The following FLT3 variants were observed in gnomAD, a reference collection of about 807,000 sequenced individuals.
The protein encoded by FLT3 is receptor-type tyrosine-protein kinase FLT3.
FLT3 carries 46 observed loss-of-function variants against 126.6 expected under a neutral mutation model. That is an observed-to-expected ratio of 0.36 (90% CI 0.29 to 0.46). The LOEUF (loss-of-function observed/expected upper bound fraction) is 0.46. Among genes scored for constraint, FLT3 ranks in the 20% least tolerant of loss-of-function variants. The pLI is 1.00. For missense variants in FLT3, 1,069 were observed against 1,190.3 expected, an observed-to-expected ratio of 0.90 and a Z score of 1.50; for synonymous variants, 404 against 434.4, an observed-to-expected ratio of 0.93 and a Z score of 0.87.
chr13:28,006,983 C>G (rs924423572), intron 23 of FLT3, among the ~76,000 whole-genome samples: 6 of 152,072 alleles, frequency 3.9e-5, no homozygotes, highest in Admixed American at 2.0e-4. Flanking sequence ...TCAAGTGATC[C>G]ACCCACCTAG....
chr13:28,023,024 C>T (rs1006096025), intron 19 of FLT3, among the ~76,000 whole-genome samples: 6 of 152,224 alleles, frequency 3.9e-5, no homozygotes, highest in Admixed American at 6.5e-5. Flanking sequence ...CCTGAACAGC[C>T]GTTCTGAAAG....
At chr13:28,025,792 C>T (rs772218182) in intron 17 of FLT3, among the ~76,000 whole-genome samples, 6 of 152,006 alleles carry the variant, frequency 3.9e-5, no homozygotes, top group African/African-American at 1.2e-4. Flanking sequence ...AAGGAGAGGA[C>T]GGTGTGACGG....
At chr13:28,053,881 C>A (rs1875771971) in intron 4 of FLT3, among the ~76,000 whole-genome samples, 2 of 151,750 alleles carry the variant, frequency 1.3e-5, no homozygotes, top group Admixed American at 6.6e-5. Flanking sequence ...GAGACAGGGT[C>A]TCTGTCACCC....
intron 15 of FLT3, among the ~76,000 whole-genome samples, chr13:28,029,483 A>G (rs1873121566): frequency 6.6e-6 from 1 of 152,212 alleles, no homozygotes; most frequent in Non-Finnish European, 1.5e-5. Context: ...TCCTCTACCT[A>G]CCAAAATAAA....
At chr13:28,095,265 G>A (rs1879380669) in intron 1 of FLT3, among the ~76,000 whole-genome samples, 1 of 152,068 alleles carries the variant, frequency 6.6e-6, no homozygotes, top group Non-Finnish European at 1.5e-5. Context: ...CCAATTTCCA[G>A]CCCTTCAGTT....
At chr13:28,061,737 CT>C in intron 3 of FLT3, 129 bp downstream of exon 3, 1 of 678,158 alleles carries the variant, frequency 1.5e-6, no homozygotes, top group South Asian at 1.9e-5. Flanking sequence ...TGCCACTCTA[CT>C]CCAGCCTGGG....
rs536892151 is a variant in FLT3 at position 28,087,404 on chromosome 13, A to C, written c.43+13064T>G. 5.8e-4 allele frequency among the ~76,000 whole-genome samples: 88 copies of C among 152,292 alleles called. 1 individual carries two copies. Among genetic ancestry groups the C allele is most frequent in the African/African-American group, 2.1e-3 (87 of 41,566 alleles). On this transcript the variant is annotated intron_variant, in intron 1 of 23. Transcript: ENST00000241453. Reference sequence around the variant, plus strand: ...TTTGACTTACATAGTTCATGACAAGAAGTCTGCCAAATGAATGTATCTTTT... The same window carrying C: ...TTTGACTTACATAGTTCATGACAAGCAGTCTGCCAAATGAATGTATCTTTT...
intron 15 of FLT3, among the ~76,000 whole-genome samples, chr13:28,032,419 G>A (rs376220917): frequency 9.2e-5 from 14 of 152,320 alleles, no homozygotes; most frequent in African/African-American, 3.1e-4. Context: ...GATGGAGCCT[G>A]GGCAACATGG....
intron 1 of FLT3, among the ~76,000 whole-genome samples, chr13:28,084,148 C>T (rs1878502387): frequency 6.6e-6 from 1 of 151,870 alleles, no homozygotes; most frequent in South Asian, 2.1e-4. Context: ...TAGGCCACCA[C>T]GTCTCCCTAA....
rs762965899 is a variant in FLT3, at chr13:28,057,480, G to A, written c.369-18C>T. The A allele has an allele frequency of 3.5e-6, 4 of 1,134,910 alleles. No individual in the cohort carries two copies. The East Asian group carries it at 7.0e-5, about 20-fold the overall frequency. The allele number at this position is 1,134,910 out of a possible 1,614,324, so 70.3% of individuals were successfully genotyped here. On this transcript the variant is annotated intron_variant, in intron 3 of 23. Coordinates refer to ENST00000241453, the MANE Select transcript of FLT3 (RefSeq NM_004119.3). ...CAACTCCTCTGCAAAACAGGAAAGA[G>A]AACTAGTTATTTTGGAAAATGTGTG...
At chr13:28,071,813 T>C (rs1877544713) in intron 1 of FLT3, among the ~76,000 whole-genome samples, 1 of 152,128 alleles carries the variant, frequency 6.6e-6, no homozygotes, top group Non-Finnish European at 1.5e-5. Context: ...CCCCCAACTA[T>C]AATTCAGCTT....
intron 1 of FLT3, among the ~76,000 whole-genome samples, chr13:28,077,077 A>AAGAAAGAAAAAG: frequency 1.4e-5 from 1 of 72,088 alleles, no homozygotes; most frequent in African/African-American, 4.7e-5. Flanking sequence ...AAAGAAAAGA[A>AAGAAAGAAAAAG]AGAAAGAAAG....
chr13:28,004,647 G>A (rs1232223623), intron 23 of FLT3, among the ~76,000 whole-genome samples: 1 of 152,058 alleles, frequency 6.6e-6, no homozygotes, highest in Non-Finnish European at 1.5e-5. Context: ...ATATATAATA[G>A]ATGTACATAT....
At chr13:28,018,268 T>C (rs1362652417) in intron 20 of FLT3, among the ~76,000 whole-genome samples, 199 bp downstream of exon 20, 1 of 152,228 alleles carries the variant, frequency 6.6e-6, no homozygotes, top group Non-Finnish European at 1.5e-5. Context: ...GTGATGCTAT[T>C]TTGCTCAGCT....
intron 1 of FLT3, among the ~76,000 whole-genome samples, chr13:28,087,550 T>C (rs774220642): frequency 6.6e-6 from 1 of 152,192 alleles, no homozygotes; most frequent in African/African-American, 2.4e-5. Context: ...CTTGAACCCA[T>C]AGGTTTATCA....
chr13:28,018,580 T>C lies in FLT3; in HGVS notation c.2428A>G (p.Arg810Gly), dbSNP rs2137624206. The C allele has an allele frequency of 6.2e-7, 1 of 1,614,180 alleles. No individual in the cohort carries two copies. The highest frequency in any genetic ancestry group is 8.5e-7 in the Non-Finnish European group (1 of 1,179,994). The change falls in exon 20 of 24, where the codon AGA (arginine) becomes GGA (glycine). Residue 810 changes from arginine (R) to glycine (G), a missense_variant. Physicochemically the swap from Arg to Gly is moderately radical, Grantham distance 125 (BLOSUM62 -2). Transcript: ENST00000241453. ...EFLEFKSCVH[R>G]DLAARNVLVT... ...AGCACGTTCCTGGCGGCCAGGTCTCTGTGAACACACTGTCAAGAATGACAC... is the reference window on the plus strand; with the variant it reads ...AGCACGTTCCTGGCGGCCAGGTCTCCGTGAACACACTGTCAAGAATGACAC...
intron 20 of FLT3, among the ~76,000 whole-genome samples, chr13:28,017,939 C>T (rs541238547): frequency 9.9e-5 from 15 of 152,164 alleles, no homozygotes; most frequent in African/African-American, 3.4e-4. Context: ...GCTGGGATTA[C>T]AGGCATGAGC....
intron 5 of FLT3, 78 bp from the exon 6 acceptor site, chr13:28,050,300 T>C: frequency 7.0e-7 from 1 of 1,431,522 alleles, no homozygotes; most frequent in Non-Finnish European, 9.7e-7. Context: ...AGAACAAAGT[T>C]CTAGAGCCAG....
intron 15 of FLT3, among the ~76,000 whole-genome samples, chr13:28,030,969 G>A (rs1873275610): frequency 6.6e-6 from 1 of 151,992 alleles, no homozygotes; most frequent in Non-Finnish European, 1.5e-5. Flanking sequence ...GCTCATGCCT[G>A]TAATCCCAGC....
Sources: allele counts gnomAD v4.1 joint callset (sites outside exome capture counted in the v4.1 genomes callset), GRCh38; gene constraint gnomAD v4.1.1; transcripts MANE v1.5; gene names NCBI Gene and HGNC (gene_info 2026-07-23, HGNC 2026-07-21).